The following QSOX1 variants were observed in gnomAD, a reference collection of about 807,000 sequenced individuals.
QSOX1 encodes the protein quiescin sulfhydryl oxidase 1.
Under a neutral mutation model 76.1 loss-of-function variants are expected in QSOX1, and 40 were observed. The ratio of observed to expected loss-of-function variants is 0.53; its 90% CI spans 0.41 to 0.68. The LOEUF is 0.68. Among genes scored for constraint, QSOX1 ranks in the 30% least tolerant of loss-of-function variants. QSOX1 has a pLI of 0.00. For synonymous variants in QSOX1, 392 were observed against 413.1 expected (o/e 0.95, Z 0.62); for missense variants, 931 against 974.3 (o/e 0.96, Z 0.59).
intron 2 of QSOX1, among the ~76,000 whole-genome samples, chr1:180,171,970 A>T (rs939903337): frequency 2.0e-5 from 3 of 152,162 alleles, no homozygotes; most frequent in Non-Finnish European, 2.9e-5. Context: ...AGATCACTGG[A>T]GTGGCTGAAG....
At chr1:180,189,989 T>C (rs1345174178) in intron 9 of QSOX1, among the ~76,000 whole-genome samples, 2 of 152,230 alleles carry the variant, frequency 1.3e-5, no homozygotes, top group African/African-American at 4.8e-5. Flanking sequence ...GAAAACTTGG[T>C]GAGACCCCAG....
intron 8 of QSOX1, among the ~76,000 whole-genome samples, chr1:180,188,576 C>T (rs575515669): frequency 5.3e-5 from 8 of 152,360 alleles, no homozygotes; most frequent in South Asian, 4.1e-4. Flanking sequence ...CGTGTCAAAG[C>T]GTGGTCTTTT....
At chr1:180,166,741 TC>T in intron 2 of QSOX1, 150 bp downstream of exon 2, 1 of 729,456 alleles carries the variant, frequency 1.4e-6, no homozygotes, top group South Asian at 1.6e-5. Flanking sequence ...TGGTGAGAGC[TC>T]CCACCTCCCA....
chr1:180,183,731 G>C (rs547199787), intron 6 of QSOX1, among the ~76,000 whole-genome samples, 185 bp from the exon 7 acceptor site: 1 of 152,340 alleles, frequency 6.6e-6, no homozygotes, highest in African/African-American at 2.4e-5. Flanking sequence ...GCAGTGATTA[G>C]AAGGGTTACA....
At chr1:180,193,824 T>A (rs1663386332) in intron 10 of QSOX1, among the ~76,000 whole-genome samples, 1 of 151,934 alleles carries the variant, frequency 6.6e-6, no homozygotes, top group Non-Finnish European at 1.5e-5. Context: ...ACAGGCAGCA[T>A]GAGTGGGCAG....
rs1172457236 is a variant in QSOX1, at chr1:180,155,062, G to A, written c.155G>A (p.Gly52Asp). The change falls in exon 1 of 12, where the codon GGC becomes GAC. Residue 52 changes from glycine to aspartate, a missense_variant. Physicochemically the swap from Gly to Asp is moderately conservative, Grantham distance 94 (BLOSUM62 -1). Transcript: ENST00000367602. ...CTGCTGCAGGCGGACACGGTGCGCG[G>A]CGCGGTGCTGGGCTCCCGCAGCGCC... ...LTLLQADTVRGAVLGSRSAWA... is the reference protein window; with the variant it reads ...LTLLQADTVRDAVLGSRSAWA... 1 of 1,514,152 alleles carries A rather than the reference G, an allele frequency of 6.6e-7. No individual in the cohort carries two copies. Among genetic ancestry groups the A allele is most frequent in the Admixed American group, 2.0e-5 (1 of 49,214 alleles). 93.8% of individuals were successfully genotyped at this position (1,514,152 alleles called of 1,614,324 possible).
At chr1:180,174,111 G>A (rs1662822911) in intron 2 of QSOX1, among the ~76,000 whole-genome samples, 1 of 152,242 alleles carries the variant, frequency 6.6e-6, no homozygotes, top group Admixed American at 6.5e-5. Flanking sequence ...GTGAAAAGTG[G>A]CCCCGAGGCT....
rs371728293 is a variant in QSOX1 at position 180,176,050 on chromosome 1, C to T, written c.515+17C>T. The T allele has an allele frequency of 1.3e-6, 2 of 1,559,950 alleles. No homozygotes were observed. The highest frequency in any genetic ancestry group is 1.9e-5 in the Admixed American group (1 of 52,710). Reference sequence around the variant, plus strand: ...GCCTGCCAAGTACTTTGGGCTGGGGCAGGCTTAGTGCATTGTGGGCCAGGA... The same window carrying T: ...GCCTGCCAAGTACTTTGGGCTGGGGTAGGCTTAGTGCATTGTGGGCCAGGA... On this transcript the variant is annotated intron_variant, in intron 4 of 11. Transcript: ENST00000367602.
chr1:180,190,356 C>T (rs1663277824), intron 9 of QSOX1, 77 bp from the exon 10 acceptor site: 3 of 1,497,242 alleles, frequency 2.0e-6, no homozygotes, highest in East Asian at 4.5e-5. Context: ...TTAGGGCTGT[C>T]TCCTAGAAGC....
chr1:180,194,188 G>A (rs1481874282), intron 10 of QSOX1, 25 bp from the exon 11 acceptor site: 12 of 1,592,030 alleles, frequency 7.5e-6, no homozygotes, highest in South Asian at 2.2e-5. Flanking sequence ...AAGGGCTGGT[G>A]CGTGGCATCT....
chr1:180,160,546 G>A (rs1052650477), intron 1 of QSOX1, among the ~76,000 whole-genome samples: 68 of 152,162 alleles, frequency 4.5e-4, no homozygotes, highest in African/African-American at 1.5e-3. Flanking sequence ...TCTGGGTTTA[G>A]CGTGACAAAT....
chr1:180,184,325 A>T (rs917287367), intron 7 of QSOX1, among the ~76,000 whole-genome samples: 1 of 152,076 alleles, frequency 6.6e-6, no homozygotes, highest in African/African-American at 2.4e-5. Context: ...CTTCAGCTTA[A>T]CTCTGCTCAC....
At position 180,199,422 on chromosome 1, in the gene QSOX1, C is replaced by T. The variant is rs1206775956; in HGVS notation, c.*2385C>T. On this transcript the variant is annotated 3_prime_UTR_variant, in exon 12 of 12. Coordinates refer to ENST00000367602, the MANE Select transcript of QSOX1 (RefSeq NM_002826.5). ...GCGGGATAGAGAATCTCGCCTCTGT[C>T]TGGTGTGTTACCTACTGGGGGCACA... is the stretch of plus-strand genomic sequence containing the variant. 6.6e-6 allele frequency: 1 copy of T among 152,066 alleles called. No homozygotes were observed. The highest frequency in any genetic ancestry group is 2.4e-5 in the African/African-American group (1 of 41,398). 9.4% of individuals were successfully genotyped at this position (152,066 alleles called of 1,614,324 possible).
At chr1:180,192,796 A>G (rs1386847774) in intron 10 of QSOX1, among the ~76,000 whole-genome samples, 2 of 152,138 alleles carry the variant, frequency 1.3e-5, no homozygotes, top group African/African-American at 4.8e-5. Context: ...TTAGCTTTAT[A>G]GTCATTAGTA....
At chr1:180,193,238 G>A (rs1454998047) in intron 10 of QSOX1, among the ~76,000 whole-genome samples, 2 of 152,102 alleles carry the variant, frequency 1.3e-5, no homozygotes. Flanking sequence ...ACTAACGGGA[G>A]TGAAATCCTG....
intron 2 of QSOX1, among the ~76,000 whole-genome samples, 170 bp downstream of exon 2, chr1:180,166,761 T>C (rs940720515): frequency 6.6e-6 from 1 of 152,226 alleles, no homozygotes; most frequent in Non-Finnish European, 1.5e-5. Context: ...CAAGGTCCTC[T>C]TCAATTGCTC....
At position 180,197,424 on chromosome 1, in the gene QSOX1, G is replaced by T. The variant is rs1663526065; in HGVS notation, c.*387G>T. 2 of 1,598,224 alleles carry T rather than the reference G, an allele frequency of 1.3e-6. No homozygotes were observed. The highest frequency in any genetic ancestry group is 1.3e-5 in the African/African-American group (1 of 74,708). ...CTGGGGCAAGTGAAGCCAGAGGAGGGTCCCCCAGCTGGGTGGGCTGGAATG... is the reference window on the plus strand; with the variant it reads ...CTGGGGCAAGTGAAGCCAGAGGAGGTTCCCCCAGCTGGGTGGGCTGGAATG... On this transcript the variant is annotated 3_prime_UTR_variant, in exon 12 of 12. Coordinates refer to ENST00000367602, the MANE Select transcript of QSOX1 (RefSeq NM_002826.5).
chr1:180,168,193 C>CCATGT (rs1662675649), intron 2 of QSOX1, among the ~76,000 whole-genome samples: 1 of 152,278 alleles, frequency 6.6e-6, no homozygotes, highest in South Asian at 2.1e-4. Flanking sequence ...CAGCGCCACC[C>CCATGT]CATGTCACGC....
chr1:180,198,159 CCA>C lies in QSOX1; in HGVS notation c.*1125_*1126del. On this transcript the variant is annotated 3_prime_UTR_variant, in exon 12 of 12. Transcript: ENST00000367602. ...GTCCCTCAGCACACACAGCTCCTGG[CCA>C]CAGACTGCCCATAGAACTGTCTGCA... The C allele has an allele frequency of 2.2e-6, 1 of 456,566 alleles. No individual in the cohort carries two copies. The highest frequency in any genetic ancestry group is 7.0e-5 in the East Asian group (1 of 14,388). The allele number at this position is 456,566 out of a possible 1,614,324, so 28.3% of individuals were successfully genotyped here.
Sources: gnomAD v4.1 joint callset for allele counts (sites outside exome capture counted in the v4.1 genomes callset) on GRCh38, gnomAD v4.1.1 for gene constraint, MANE v1.5 for transcripts, NCBI Gene and HGNC (gene_info 2026-07-23, HGNC 2026-07-21) for gene names.